RGS7: variants seen among roughly 807,000 people sequenced by gnomAD.
The protein encoded by RGS7 is regulator of G protein signaling 7, also known as regulator of G-protein signaling 7.
RGS7 carries 27 observed loss-of-function variants against 81.1 expected under a neutral mutation model. The ratio of observed to expected loss-of-function variants is 0.33; its 90% confidence interval spans 0.25 to 0.46. RGS7 has a LOEUF of 0.46. Ranked by LOEUF, RGS7 falls within the 20% of genes least tolerant of loss-of-function variation. RGS7 has a pLI of 1.00. For synonymous variants in RGS7, 208 were observed against 207.7 expected, an observed-to-expected ratio of 1.00 and a Z score of -0.01; for missense variants, 396 against 607.4, an observed-to-expected ratio of 0.65 and a Z score of 3.66.
intron 2 of RGS7, among the ~76,000 whole-genome samples, chr1:241,289,262 T>C (rs1176094086): frequency 6.6e-6 from 1 of 152,234 alleles, no homozygotes; most frequent in Non-Finnish European, 1.5e-5. Flanking sequence ...ATTCAAACTA[T>C]TTGTAGGTCC....
At chr1:240,935,790 G>A (rs1676522879) in intron 5 of RGS7, among the ~76,000 whole-genome samples, 1 of 152,186 alleles carries the variant, frequency 6.6e-6, no homozygotes, top group Non-Finnish European at 1.5e-5. Flanking sequence ...CAAGTGAGAA[G>A]AAGGCTCCAA....
chr1:240,956,080 C>A (rs1403976668), intron 4 of RGS7, among the ~76,000 whole-genome samples: 1 of 152,084 alleles, frequency 6.6e-6, no homozygotes, highest in African/African-American at 2.4e-5. Context: ...ACAAAATGAA[C>A]CTTTATACAT....
chr1:240,821,378 C>T (rs980306573), intron 10 of RGS7, among the ~76,000 whole-genome samples: 5 of 152,012 alleles, frequency 3.3e-5, no homozygotes, highest in African/African-American at 9.7e-5. Context: ...CTTGAACCTG[C>T]GAGGCAGAGG....
intron 15 of RGS7, 27 bp downstream of exon 15, chr1:240,806,113 G>C (rs1321477752): frequency 6.2e-7 from 1 of 1,602,138 alleles, no homozygotes; most frequent in South Asian, 1.1e-5. Context: ...AAGCACGTTT[G>C]TGGTGTGAGG....
intron 5 of RGS7, among the ~76,000 whole-genome samples, chr1:240,933,092 C>A (rs565227860): frequency 6.6e-6 from 1 of 150,450 alleles, no homozygotes; most frequent in African/African-American, 2.5e-5. Context: ...CCGTGTTAGC[C>A]AGGATGGTCT....
At chr1:241,336,664 T>G (rs576439568) in intron 2 of RGS7, among the ~76,000 whole-genome samples, 8 of 152,238 alleles carry the variant, frequency 5.3e-5, no homozygotes, top group Non-Finnish European at 8.8e-5. Flanking sequence ...TTCTTAGGAC[T>G]ATATGAATGA....
chr1:241,187,200 G>A (rs1251567779), intron 2 of RGS7, among the ~76,000 whole-genome samples: 1 of 152,106 alleles, frequency 6.6e-6, no homozygotes, highest in Non-Finnish European at 1.5e-5. Flanking sequence ...GAGAAAAAGG[G>A]AGAGTGTAGT....
chr1:241,049,227 G>A (rs2061118966), intron 3 of RGS7, among the ~76,000 whole-genome samples: 2 of 152,258 alleles, frequency 1.3e-5, no homozygotes, highest in East Asian at 1.9e-4. Flanking sequence ...TGGCAACATC[G>A]ACTTAAATAT....
chr1:240,797,454 C>G (rs1345602588), intron 18 of RGS7, among the ~76,000 whole-genome samples: 1 of 152,186 alleles, frequency 6.6e-6, no homozygotes, highest in African/African-American at 2.4e-5. Flanking sequence ...TGAGTTCAAG[C>G]AATTTTCCTG....
chr1:240,857,175 C>T (rs957731585), intron 9 of RGS7, among the ~76,000 whole-genome samples: 4 of 152,062 alleles, frequency 2.6e-5, no homozygotes, highest in African/African-American at 2.4e-5. Flanking sequence ...ATGATGTGCC[C>T]TCTGTTTCAC....
At chr1:241,094,393 A>C (rs536959800) in intron 3 of RGS7, among the ~76,000 whole-genome samples, 175 of 152,282 alleles carry the variant, frequency 1.1e-3, no homozygotes, top group African/African-American at 4.1e-3. Flanking sequence ...CCTGGCCCTG[A>C]GACACCAGGT....
At chr1:240,857,710 T>C (rs1247621948) in intron 9 of RGS7, among the ~76,000 whole-genome samples, 1 of 152,174 alleles carries the variant, frequency 6.6e-6, no homozygotes, top group Non-Finnish European at 1.5e-5. Context: ...GCTTGATAGC[T>C]CATCCCATTC....
intron 3 of RGS7, among the ~76,000 whole-genome samples, chr1:241,068,420 T>A (rs891328019): frequency 6.6e-6 from 1 of 150,726 alleles, no homozygotes; most frequent in African/African-American, 2.5e-5. Flanking sequence ...AGCTAAAACA[T>A]CCTGAGCATC....
intron 4 of RGS7, among the ~76,000 whole-genome samples, chr1:240,939,022 C>G (rs1355287441): frequency 6.6e-6 from 1 of 152,070 alleles, no homozygotes; most frequent in Admixed American, 6.6e-5. Context: ...ATTCTCTGTG[C>G]CTCCCCCATC....
At chr1:241,135,963 A>G (rs904648458) in intron 2 of RGS7, among the ~76,000 whole-genome samples, 4 of 151,668 alleles carry the variant, frequency 2.6e-5, no homozygotes, top group Non-Finnish European at 5.9e-5. Context: ...ATAATGACAA[A>G]AAAAAAAAAA....
At chr1:240,874,533 CAAAAAT>C (rs1665035011) in intron 6 of RGS7, among the ~76,000 whole-genome samples, 1 of 152,034 alleles carries the variant, frequency 6.6e-6, no homozygotes, top group Non-Finnish European at 1.5e-5. Flanking sequence ...TGGTATGTAA[CAAAAAT>C]AAATATGTGC....
chr1:240,936,752 G>T, intron 4 of RGS7, 46 bp from the exon 5 acceptor site: 1 of 1,413,598 alleles, frequency 7.1e-7, no homozygotes. Context: ...CCTTTTAAAT[G>T]TATTCTTTTA....
intron 2 of RGS7, among the ~76,000 whole-genome samples, chr1:241,281,252 C>T (rs1259744943): frequency 1.3e-5 from 2 of 152,104 alleles, no homozygotes; most frequent in Non-Finnish European, 2.9e-5. Context: ...CTTAAAGATG[C>T]AGTATTAAAT....
intron 2 of RGS7, among the ~76,000 whole-genome samples, chr1:241,139,951 G>C (rs1399655741): frequency 6.6e-6 from 1 of 152,150 alleles, no homozygotes; most frequent in African/African-American, 2.4e-5. Flanking sequence ...GATTCTTTTA[G>C]AGAATGGCAC....
Sources: allele counts gnomAD v4.1 joint callset (sites outside exome capture counted in the v4.1 genomes callset), GRCh38; gene constraint gnomAD v4.1.1; transcripts MANE v1.5; gene names NCBI Gene and HGNC (gene_info 2026-07-23, HGNC 2026-07-21).